Variants in ADGRB3 observed in about 807,000 individuals in gnomAD.
ADGRB3 encodes the protein adhesion G protein-coupled receptor B3.
In ADGRB3, 37 loss-of-function variants were observed where a neutral mutation model predicts 193.4. The observed-to-expected ratio is 0.19, with a 90% CI of 0.15 to 0.25. ADGRB3 has a LOEUF of 0.25. Among genes scored for constraint, ADGRB3 ranks in the 10% least tolerant of loss-of-function variants. ADGRB3 has a pLI of 1.00. For synonymous variants in ADGRB3, 690 were observed against 644.2 expected, an observed-to-expected ratio of 1.07 and a Z score of -1.08; for missense variants, 1,637 against 1,852.9, an observed-to-expected ratio of 0.88 and a Z score of 2.14.
chr6:69,303,768 G>T (rs1015377789), intron 20 of ADGRB3, among the ~76,000 whole-genome samples: 1 of 151,914 alleles, frequency 6.6e-6, no homozygotes, highest in African/African-American at 2.4e-5. Flanking sequence ...TATCTCTAAA[G>T]AATTCTGTTT....
chr6:68,732,247 T>C (rs1476419853), intron 3 of ADGRB3, among the ~76,000 whole-genome samples: 1 of 151,758 alleles, frequency 6.6e-6, no homozygotes, highest in Non-Finnish European at 1.5e-5. Flanking sequence ...TGGGAGTTTG[T>C]TAGAGATTAT....
At chr6:68,742,866 T>A (rs1319383974) in intron 3 of ADGRB3, among the ~76,000 whole-genome samples, 1 of 151,836 alleles carries the variant, frequency 6.6e-6, no homozygotes. Flanking sequence ...TACATGTAAT[T>A]TTAATATATT....
chr6:69,108,062 AGTC>A (rs1773262263), intron 17 of ADGRB3, among the ~76,000 whole-genome samples: 1 of 150,648 alleles, frequency 6.6e-6, no homozygotes, highest in Non-Finnish European at 1.5e-5. Flanking sequence ...AAAAAAAAAA[AGTC>A]AGCCGAAGAA....
chr6:69,084,799 C>T (rs1772498709), intron 17 of ADGRB3, among the ~76,000 whole-genome samples: 1 of 152,006 alleles, frequency 6.6e-6, no homozygotes, highest in Admixed American at 6.6e-5. Flanking sequence ...CATAATATTG[C>T]CTATGGCATG....
At chr6:69,181,523 C>A (rs893564255) in intron 17 of ADGRB3, among the ~76,000 whole-genome samples, 6 of 151,988 alleles carry the variant, frequency 3.9e-5, no homozygotes, top group African/African-American at 1.4e-4. Context: ...AATTATATTA[C>A]CTAGAAGCTA....
At chr6:68,701,270 G>A (rs1765238759) in intron 3 of ADGRB3, among the ~76,000 whole-genome samples, 1 of 152,086 alleles carries the variant, frequency 6.6e-6, no homozygotes. Context: ...CCATTGCCTC[G>A]ATATTTCATA....
At chr6:69,252,984 G>C (rs962707258) in intron 20 of ADGRB3, among the ~76,000 whole-genome samples, 1 of 151,962 alleles carries the variant, frequency 6.6e-6, no homozygotes, top group South Asian at 2.1e-4. Flanking sequence ...TATGAGGTAG[G>C]TCTTGGGGTT....
intron 3 of ADGRB3, among the ~76,000 whole-genome samples, chr6:68,838,419 A>G (rs1768086592): frequency 6.6e-6 from 1 of 152,208 alleles, no homozygotes; most frequent in Non-Finnish European, 1.5e-5. Flanking sequence ...TATTAAAAAG[A>G]AACAAAGAAA....
chr6:68,636,661 A>G lies in ADGRB3; in HGVS notation c.-188+661A>G, dbSNP rs1242445346. Among the ~76,000 whole-genome samples the G allele has an allele frequency of 4.6e-5, 7 of 152,258 alleles. No homozygotes were observed. In the East Asian group the frequency reaches 9.6e-4, roughly 21 times the overall value. ...AGACTGATTAAAAATAAAGAGCATT[A>G]TATTGAGTGCGCTCTCTTGAGCAGG... On this transcript the variant is annotated intron_variant, in intron 1 of 31. Coordinates refer to ENST00000370598, the MANE Select transcript of ADGRB3 (RefSeq NM_001704.3).
intron 17 of ADGRB3, among the ~76,000 whole-genome samples, chr6:69,100,134 T>C (rs1240169631): frequency 6.6e-6 from 1 of 152,222 alleles, no homozygotes; most frequent in Non-Finnish European, 1.5e-5. Context: ...TTAACTTTTA[T>C]TAGATGTGCC....
intron 17 of ADGRB3, among the ~76,000 whole-genome samples, chr6:69,188,303 G>A (rs531611176): frequency 6.6e-6 from 1 of 151,864 alleles, no homozygotes; most frequent in East Asian, 1.9e-4. Context: ...CTCCATCCTG[G>A]AATTTCTTTT....
At chr6:68,844,884 A>G (rs1009235486) in intron 3 of ADGRB3, among the ~76,000 whole-genome samples, 4 of 152,178 alleles carry the variant, frequency 2.6e-5, no homozygotes, top group Admixed American at 6.6e-5. Context: ...CAAACTTCAC[A>G]TGTTCTCATT....
At chr6:68,659,279 A>G (rs1180970126) in intron 3 of ADGRB3, among the ~76,000 whole-genome samples, 13 of 150,808 alleles carry the variant, frequency 8.6e-5, no homozygotes, top group Admixed American at 8.6e-4. Flanking sequence ...AGAGGAACTA[A>G]TCAAAACAAA....
At chr6:69,091,577 G>T (rs1582453788) in intron 17 of ADGRB3, among the ~76,000 whole-genome samples, 1 of 152,108 alleles carries the variant, frequency 6.6e-6, no homozygotes, top group East Asian at 1.9e-4. Flanking sequence ...CTTCTAAGTG[G>T]GAGCTAAAGG....
intron 30 of ADGRB3, among the ~76,000 whole-genome samples, chr6:69,376,082 CTTTT>C (rs58780409): frequency 1.0e-3 from 70 of 67,362 alleles, no homozygotes; most frequent in South Asian, 2.5e-3. Context: ...ATTATGTAGC[CTTTT>C]TTTTTTTTTT....
chr6:69,353,549 T>C (rs1424592298), intron 26 of ADGRB3, among the ~76,000 whole-genome samples: 2 of 135,640 alleles, frequency 1.5e-5, no homozygotes, highest in South Asian at 2.2e-4. Flanking sequence ...AAAGCTGTTA[T>C]GAAGATAATG....
At chr6:68,734,051 T>C (rs1444039745) in intron 3 of ADGRB3, among the ~76,000 whole-genome samples, 3 of 151,968 alleles carry the variant, frequency 2.0e-5, no homozygotes, top group African/African-American at 7.2e-5. Flanking sequence ...AGAATGTTAA[T>C]TTTAAGGTAC....
intron 3 of ADGRB3, among the ~76,000 whole-genome samples, chr6:68,774,344 A>G (rs540297029): frequency 7.7e-4 from 116 of 151,506 alleles, no homozygotes; most frequent in Non-Finnish European, 1.6e-3. Flanking sequence ...TTTTAGGCAG[A>G]TAATACTGAA....
intron 3 of ADGRB3, among the ~76,000 whole-genome samples, chr6:68,891,864 T>C (rs540362953): frequency 6.6e-6 from 1 of 152,228 alleles, no homozygotes; most frequent in East Asian, 1.9e-4. Context: ...CCAAGATCAA[T>C]CTTCCAGCTG....
Sources: gnomAD v4.1 joint callset for allele counts (sites outside exome capture counted in the v4.1 genomes callset) on GRCh38, gnomAD v4.1.1 for gene constraint, MANE v1.5 for transcripts, NCBI Gene and HGNC (gene_info 2026-07-23, HGNC 2026-07-21) for gene names.